Variants in UNC13C observed in about 807,000 individuals in gnomAD.
UNC13C encodes protein unc-13 homolog C.
In UNC13C, 174 loss-of-function variants were observed where a neutral mutation model predicts 245.4. The ratio of observed to expected loss-of-function variants is 0.71; its 90% CI spans 0.63 to 0.80. The LOEUF is 0.80. Among genes scored for constraint, UNC13C ranks in the 30% least tolerant of loss-of-function variants. UNC13C has a pLI of 0.00. For missense variants in UNC13C, 2,829 were observed against 2,602.9 expected, an observed-to-expected ratio of 1.09 and a Z score of -1.89; for synonymous variants, 992 against 895.1, an observed-to-expected ratio of 1.11 and a Z score of -1.93.
the UNC13C span, among the ~76,000 whole-genome samples, chr15:53,929,991 G>T: frequency 6.6e-6 from 1 of 152,122 alleles, no homozygotes; most frequent in Non-Finnish European, 1.5e-5. Context: ...AAATGACAAT[G>T]GTTTATTATC....
intron 2 of UNC13C, among the ~76,000 whole-genome samples, chr15:54,120,849 A>G (rs905612797): frequency 1.3e-5 from 2 of 152,044 alleles, no homozygotes; most frequent in African/African-American, 4.8e-5. Flanking sequence ...CTAAAAAGAG[A>G]ACTGGAATTA....
At chr15:54,306,436 C>T (rs1346118067) in intron 13 of UNC13C, among the ~76,000 whole-genome samples, 1 of 151,996 alleles carries the variant, frequency 6.6e-6, no homozygotes. Context: ...CACCATTCCA[C>T]ATATTTTGCA....
At chr15:54,200,829 A>G (rs1045445730) in intron 4 of UNC13C, among the ~76,000 whole-genome samples, 1 of 152,098 alleles carries the variant, frequency 6.6e-6, no homozygotes, top group African/African-American at 2.4e-5. Flanking sequence ...TCAGAGCAGA[A>G]CTAAATGAAA....
At chr15:54,214,037 C>G (rs961710002) in intron 4 of UNC13C, among the ~76,000 whole-genome samples, 1 of 152,026 alleles carries the variant, frequency 6.6e-6, no homozygotes, top group Non-Finnish European at 1.5e-5. Context: ...TATATCTTAT[C>G]CTTGCCTGTG....
At chr15:54,335,889 T>A (rs556635828) in intron 16 of UNC13C, among the ~76,000 whole-genome samples, 1 of 152,264 alleles carries the variant, frequency 6.6e-6, no homozygotes, top group Non-Finnish European at 1.5e-5. Flanking sequence ...AGCAGCAGTG[T>A]GTGAGAGTCC....
chr15:54,516,666 G>C (rs1245695143), intron 24 of UNC13C, among the ~76,000 whole-genome samples: 1 of 151,984 alleles, frequency 6.6e-6, no homozygotes, highest in South Asian at 2.1e-4. Context: ...CAGGCATGGT[G>C]GTGGGCGCCT....
intron 2 of UNC13C, among the ~76,000 whole-genome samples, chr15:54,138,631 T>C (rs747464244): frequency 3.3e-5 from 5 of 152,182 alleles, no homozygotes; most frequent in Non-Finnish European, 7.4e-5. Flanking sequence ...TAATCATGTA[T>C]GCTTTTGCAA....
intron 2 of UNC13C, among the ~76,000 whole-genome samples, chr15:54,061,902 T>C (rs573780966): frequency 6.0e-4 from 92 of 152,270 alleles, no homozygotes; most frequent in Middle Eastern, 3.4e-3. Context: ...CATGGATGTT[T>C]GTAAATTTAA....
intron 4 of UNC13C, among the ~76,000 whole-genome samples, chr15:54,191,589 A>G (rs1320207913): frequency 2.0e-5 from 3 of 152,146 alleles, no homozygotes; most frequent in South Asian, 2.1e-4. Context: ...GCTGGGTCAA[A>G]TGGTGTTTCT....
chr15:53,884,808 TC>T, the UNC13C span, among the ~76,000 whole-genome samples: 1 of 151,946 alleles, frequency 6.6e-6, no homozygotes, highest in Non-Finnish European at 1.5e-5. Context: ...CTTCTCTAGT[TC>T]CCCCCTCTTT....
At chr15:54,028,988 A>T (rs1333955545) in intron 2 of UNC13C, among the ~76,000 whole-genome samples, 1 of 152,148 alleles carries the variant, frequency 6.6e-6, no homozygotes, top group Non-Finnish European at 1.5e-5. Flanking sequence ...ACCTACCTAA[A>T]ACGCACAGAC....
downstream of UNC13C, chr15:54,632,600 T>A (rs1901475315): frequency 6.6e-6 from 1 of 152,194 alleles, no homozygotes; most frequent in South Asian, 2.1e-4. Context: ...CATGTCCAAT[T>A]GTTCCAGCAC....
chr15:54,360,925 T>G (rs1291473693), intron 17 of UNC13C, among the ~76,000 whole-genome samples: 1 of 152,188 alleles, frequency 6.6e-6, no homozygotes, highest in Non-Finnish European at 1.5e-5. Context: ...GTGATTATTA[T>G]TTGCCTTGGG....
chr15:54,244,856 C>T (rs2035951588), intron 7 of UNC13C, among the ~76,000 whole-genome samples: 1 of 152,132 alleles, frequency 6.6e-6, no homozygotes, highest in Admixed American at 6.5e-5. Flanking sequence ...TGCTTAAAAG[C>T]TTACTCTTTT....
intron 8 of UNC13C, among the ~76,000 whole-genome samples, chr15:54,256,900 G>A (rs938780189): frequency 6.6e-5 from 10 of 152,132 alleles, no homozygotes; most frequent in Non-Finnish European, 1.0e-4. Flanking sequence ...ATAAGGAAGC[G>A]GCCTTGTTTG....
At chr15:54,045,630 T>G (rs1897004532) in intron 2 of UNC13C, among the ~76,000 whole-genome samples, 1 of 152,060 alleles carries the variant, frequency 6.6e-6, no homozygotes, top group Non-Finnish European at 1.5e-5. Context: ...AGAGTAGGAG[T>G]AGCTAATACA....
rs556100843 is a variant in UNC13C at position 54,102,206 on chromosome 15, A to G, written c.2984-40812A>G. ...ACCAAAGTATTATAGCTTGGAGTCT[A>G]GTAGGTTTTCTTTCATGTGCATGCA... On this transcript the variant is annotated intron_variant, in intron 2 of 32. Transcript: ENST00000260323. Among the ~76,000 whole-genome samples the G allele has an allele frequency of 2.6e-5, 4 of 152,062 alleles. No homozygotes were observed. In the East Asian group the frequency reaches 7.7e-4, roughly 29 times the overall value.
the UNC13C span, among the ~76,000 whole-genome samples, chr15:53,840,023 G>A: frequency 6.6e-6 from 1 of 152,008 alleles, no homozygotes; most frequent in African/African-American, 2.4e-5. Context: ...TCTAAAAACT[G>A]CTAATATTTC....
intron 2 of UNC13C, among the ~76,000 whole-genome samples, chr15:54,054,676 G>A (rs1263661046): frequency 6.6e-6 from 1 of 152,062 alleles, no homozygotes; most frequent in African/African-American, 2.4e-5. Context: ...AATGTACTAT[G>A]TTGACTATTT....
Sources: gnomAD v4.1 joint callset for allele counts (sites outside exome capture counted in the v4.1 genomes callset) on GRCh38, gnomAD v4.1.1 for gene constraint, MANE v1.5 for transcripts, NCBI Gene and HGNC (gene_info 2026-07-23, HGNC 2026-07-21) for gene names.